Variants in ATP13A5 observed in about 807,000 individuals in gnomAD.
The protein encoded by ATP13A5 is probable cation-transporting ATPase 13A5.
In ATP13A5, 149 loss-of-function variants were observed where a neutral mutation model predicts 150.2. That is an observed-to-expected ratio of 0.99 (90% CI 0.87 to 1.14). The LOEUF (loss-of-function observed/expected upper bound fraction) is 1.14, where lower values mean the gene tolerates loss of function less well. Ranked by LOEUF, ATP13A5 falls within the 50% of genes most tolerant of loss-of-function variation. The pLI is 0.00. For missense variants in ATP13A5, 1,383 were observed against 1,449.3 expected, an observed-to-expected ratio of 0.95 and a Z score of 0.74; for synonymous variants, 497 against 522.2, an observed-to-expected ratio of 0.95 and a Z score of 0.66.
chr3:193,378,238 C>G (rs1713711811), intron 1 of ATP13A5, among the ~76,000 whole-genome samples: 1 of 152,190 alleles, frequency 6.6e-6, no homozygotes, highest in Admixed American at 6.5e-5. Flanking sequence ...AAAAGCATGA[C>G]TTCAGCCCAG....
chr3:193,362,706 T>A (rs1297294204), intron 3 of ATP13A5, 69 bp from the exon 4 acceptor site: 1 of 1,401,448 alleles, frequency 7.1e-7, no homozygotes, highest in South Asian at 1.2e-5. Flanking sequence ...GGGAGTGGTG[T>A]CCAATGCAGG....
rs79644443 is a variant in ATP13A5 at position 193,373,307 on chromosome 3, T to G, written c.63+5356A>C. On this transcript the variant is annotated intron_variant, in intron 1 of 29. Transcript: ENST00000342358. Reference sequence around the variant, plus strand: ...CAGCTGCCACCATGCCCAGCTAATTTTTTTTCTTTTATTTTTAGTAGAGAT... The same window carrying G: ...CAGCTGCCACCATGCCCAGCTAATTGTTTTTCTTTTATTTTTAGTAGAGAT... Among the ~76,000 whole-genome samples the G allele has an allele frequency of 4.0e-3, 612 of 152,120 alleles. 4 individuals are homozygous for G. Among genetic ancestry groups the G allele is most frequent in the African/African-American group, 0.013 (519 of 41,508 alleles).
rs780411800 is a variant in ATP13A5, at chr3:193,284,947, C to T, written c.3193G>A (p.Gly1065Arg). 3.1e-6 allele frequency: 5 copies of T among 1,613,788 alleles called. No individual in the cohort carries two copies. The highest frequency in any genetic ancestry group is 4.2e-6 in the Non-Finnish European group (5 of 1,179,892). Residue 1065 changes from glycine to arginine, a missense_variant, in exon 27 of 30, where the codon GGA (glycine) becomes AGA (arginine). Coordinates refer to ENST00000342358, the MANE Select transcript of ATP13A5 (RefSeq NM_198505.4). ...YITVAFIFSK[G>R]KPFRKPIYTN... Reference sequence around the variant, plus strand: ...TAGATGGGTTTTCGAAATGGCTTTCCCTTAGAAAAGATGAATGCTACTGTG... The same window carrying T: ...TAGATGGGTTTTCGAAATGGCTTTCTCTTAGAAAAGATGAATGCTACTGTG...
chr3:193,326,859 A>G, intron 13 of ATP13A5, 137 bp downstream of exon 13: 3 of 728,198 alleles, frequency 4.1e-6, no homozygotes, highest in Non-Finnish European at 7.1e-6. Flanking sequence ...GCAAGTTAGA[A>G]TAATTAGGAA....
At position 193,357,547 on chromosome 3, in the gene ATP13A5, G is replaced by C. The variant is rs150230483; in HGVS notation, c.537-3351C>G. Among the ~76,000 whole-genome samples the C allele has an allele frequency of 3.4e-3, 512 of 152,280 alleles. 4 individuals carry two copies. Among genetic ancestry groups the C allele is most frequent in the African/African-American group, 0.011 (466 of 41,548 alleles). ...GTGTTGACTAATGGCTGAGCAATGGGAAGAAATATAAGATTTGAAGCTGGT... is the reference window on the plus strand; with the variant it reads ...GTGTTGACTAATGGCTGAGCAATGGCAAGAAATATAAGATTTGAAGCTGGT... On this transcript the variant is annotated intron_variant, in intron 5 of 29. Transcript: ENST00000342358.
At chr3:193,301,437 T>C in intron 23 of ATP13A5, 130 bp from the exon 24 acceptor site, 1 of 649,596 alleles carries the variant, frequency 1.5e-6, no homozygotes, top group Non-Finnish European at 2.7e-6. Flanking sequence ...GAATTCATCC[T>C]CCTATTTATT....
chr3:193,312,793 G>A (rs1402914007), intron 19 of ATP13A5: 1 of 152,124 alleles, frequency 6.6e-6, no homozygotes, highest in African/African-American at 2.4e-5. Context: ...TGCTGAATTG[G>A]GAGGCAAGAT....
chr3:193,320,723 T>C (rs1719235074), intron 16 of ATP13A5, among the ~76,000 whole-genome samples: 1 of 152,138 alleles, frequency 6.6e-6, no homozygotes, highest in Admixed American at 6.5e-5. Flanking sequence ...TCAGCAATCA[T>C]AAGGAGAGTC....
chr3:193,302,832 T>C (rs1718455502), intron 23 of ATP13A5, among the ~76,000 whole-genome samples: 1 of 152,138 alleles, frequency 6.6e-6, no homozygotes, highest in Non-Finnish European at 1.5e-5. Context: ...GCATCAAGGA[T>C]AGAAAAAGTA....
chr3:193,364,320 C>A (rs747820060), intron 1 of ATP13A5, 40 bp from the exon 2 acceptor site: 2 of 1,592,756 alleles, frequency 1.3e-6, no homozygotes, highest in East Asian at 2.2e-5. Context: ...TTTTTCTTTT[C>A]TTCACATAAA....
rs1234314570 is a variant in ATP13A5 at position 193,355,019 on chromosome 3, G to A, written c.537-823C>T. On this transcript the variant is annotated intron_variant, in intron 5 of 29. Coordinates refer to ENST00000342358, the MANE Select transcript of ATP13A5 (RefSeq NM_198505.4). ...ACGATCTCGGTTCACCGCAACCTCC[G>A]CCTCCCAGGTTCAAGCGATTCTCCT... Among the ~76,000 whole-genome samples the A allele has an allele frequency of 4.7e-5, 7 of 147,416 alleles. No individual in the cohort carries two copies. The East Asian group carries it at 5.9e-4, about 12-fold the overall frequency.
chr3:193,276,173 G>T (rs1449440800), intron 29 of ATP13A5, among the ~76,000 whole-genome samples: 1 of 152,088 alleles, frequency 6.6e-6, no homozygotes, highest in Non-Finnish European at 1.5e-5. Context: ...TTTCCAAAAA[G>T]TCTTAAAGCA....
At chr3:193,362,284 G>C in intron 5 of ATP13A5, 97 bp downstream of exon 5, 2 of 1,081,334 alleles carry the variant, frequency 1.8e-6, no homozygotes, top group Non-Finnish European at 2.8e-6. Flanking sequence ...ATAACAAGCT[G>C]ATGAAGCATT....
At chr3:193,315,617 T>A (rs1170285671) in intron 17 of ATP13A5, among the ~76,000 whole-genome samples, 1 of 152,216 alleles carries the variant, frequency 6.6e-6, no homozygotes, top group African/African-American at 2.4e-5. Flanking sequence ...TGATGGCTTA[T>A]AGTCCAACTG....
At chr3:193,292,582 A>G (rs899465810) in intron 25 of ATP13A5, among the ~76,000 whole-genome samples, 7 of 152,168 alleles carry the variant, frequency 4.6e-5, no homozygotes, top group Admixed American at 2.0e-4. Flanking sequence ...GTGACTCACA[A>G]TGAGAAAATA....
chr3:193,369,420 A>G (rs569217878), intron 1 of ATP13A5, among the ~76,000 whole-genome samples: 1 of 152,234 alleles, frequency 6.6e-6, no homozygotes, highest in Non-Finnish European at 1.5e-5. Context: ...ACAATTTGAG[A>G]TAAGATTTGG....
Position 193,311,949 on chromosome 3 carries a change from C to A in ATP13A5, c.2320-8G>T, listed in dbSNP as rs1268626667. The A allele has an allele frequency of 6.2e-7, 1 of 1,613,264 alleles. No homozygotes were observed. Among genetic ancestry groups the A allele is most frequent in the South Asian group, 1.1e-5 (1 of 90,920 alleles). On this transcript the variant is annotated splice_region_variant and splice_polypyrimidine_tract_variant and intron_variant, in intron 19 of 29. Transcript: ENST00000342358. Reference sequence around the variant, plus strand: ...AGTATGCATGTAGATTTCCTAAAATCAAAAGGGCATCATTTCTACATTGAC... The same window carrying A: ...AGTATGCATGTAGATTTCCTAAAATAAAAAGGGCATCATTTCTACATTGAC...
At chr3:193,283,840 A>T (rs1325208149) in intron 27 of ATP13A5, among the ~76,000 whole-genome samples, 2 of 150,424 alleles carry the variant, frequency 1.3e-5, no homozygotes, top group Non-Finnish European at 3.0e-5. Flanking sequence ...TGATAGGGTG[A>T]CCATCTTTAT....
At chr3:193,336,603 A>G (rs1350587406) in intron 9 of ATP13A5, among the ~76,000 whole-genome samples, 3 of 152,188 alleles carry the variant, frequency 2.0e-5, no homozygotes, top group Non-Finnish European at 4.4e-5. Flanking sequence ...TCCATGGTGT[A>G]TATGTGCCAC....
Sources: gnomAD v4.1 joint callset for allele counts (sites outside exome capture counted in the v4.1 genomes callset) on GRCh38, gnomAD v4.1.1 for gene constraint, MANE v1.5 for transcripts, NCBI Gene and HGNC (gene_info 2026-07-23, HGNC 2026-07-21) for gene names.